The following AKAP19 variants were observed in gnomAD, a reference collection of about 807,000 sequenced individuals.
AKAP19 encodes the protein small A-kinase anchoring protein.
At chr2:190,033,369 A>C in the AKAP19 span, among the ~76,000 whole-genome samples, 1 of 152,208 alleles carries the variant, frequency 6.6e-6, no homozygotes, top group African/African-American at 2.4e-5. Flanking sequence ...GTCTGAAAAA[A>C]ACAAATCTTA....
At chr2:189,920,054 T>A in the AKAP19 span, among the ~76,000 whole-genome samples, 1 of 152,262 alleles carries the variant, frequency 6.6e-6, no homozygotes, top group Admixed American at 6.5e-5. Flanking sequence ...TGCTGTGGCT[T>A]AATCAGGATA....
chr2:190,062,372 A>G, the AKAP19 span: 22 of 1,613,250 alleles, frequency 1.4e-5, 1 homozygote, highest in East Asian at 3.3e-4. Context: ...GTCTTATAAC[A>G]TCTTTGCTGA....
the AKAP19 span, among the ~76,000 whole-genome samples, chr2:190,118,333 T>G: frequency 7.2e-5 from 11 of 152,042 alleles, no homozygotes; most frequent in African/African-American, 1.4e-4. Context: ...TTCCAATCAA[T>G]AGAAAAAGAG....
At chr2:190,019,541 G>A in the AKAP19 span, among the ~76,000 whole-genome samples, 1 of 151,952 alleles carries the variant, frequency 6.6e-6, no homozygotes. Context: ...GCCACTGCTG[G>A]CAGGTACACA....
chr2:190,080,503 G>C, the AKAP19 span, among the ~76,000 whole-genome samples: 1 of 152,200 alleles, frequency 6.6e-6, no homozygotes, highest in African/African-American at 2.4e-5. Flanking sequence ...GCAGGAGTTT[G>C]CCAGGTGAAT....
At chr2:190,114,790 T>C in the AKAP19 span, among the ~76,000 whole-genome samples, 2 of 152,162 alleles carry the variant, frequency 1.3e-5, no homozygotes, top group African/African-American at 4.8e-5. Context: ...TGTATTTTCC[T>C]TCCAAACTTT....
At chr2:189,986,759 A>G in the AKAP19 span, among the ~76,000 whole-genome samples, 2 of 152,086 alleles carry the variant, frequency 1.3e-5, no homozygotes, top group Non-Finnish European at 2.9e-5. Context: ...TATCCTTGTC[A>G]CTTTTAGTAA....
the AKAP19 span, among the ~76,000 whole-genome samples, chr2:190,004,759 C>A: frequency 6.6e-6 from 1 of 152,082 alleles, no homozygotes; most frequent in Non-Finnish European, 1.5e-5. Context: ...GCAGAGCATT[C>A]TAGTGCAATC....
chr2:190,153,164 G>A, the AKAP19 span, among the ~76,000 whole-genome samples: 1 of 151,994 alleles, frequency 6.6e-6, no homozygotes, highest in Non-Finnish European at 1.5e-5. Flanking sequence ...CAAAGTGCTG[G>A]GATTACAGGC....
At chr2:189,937,814 T>G in the AKAP19 span, among the ~76,000 whole-genome samples, 930 of 152,296 alleles carry the variant, frequency 6.1e-3, 2 homozygotes, top group Non-Finnish European at 0.011. Context: ...TTGATGGGAA[T>G]GTAAATTAAT....
At chr2:189,952,698 T>C in the AKAP19 span, among the ~76,000 whole-genome samples, 1 of 152,250 alleles carries the variant, frequency 6.6e-6, no homozygotes, top group Non-Finnish European at 1.5e-5. Flanking sequence ...CTACTGCACT[T>C]ACTGTGTGCA....
chr2:190,006,793 C>T, the AKAP19 span, among the ~76,000 whole-genome samples: 4 of 151,908 alleles, frequency 2.6e-5, no homozygotes, highest in Admixed American at 6.6e-5. Context: ...CCGAGGTAGG[C>T]AGATCACGAG....
chr2:190,141,053 C>G, the AKAP19 span, among the ~76,000 whole-genome samples: 1 of 152,128 alleles, frequency 6.6e-6, no homozygotes, highest in East Asian at 1.9e-4. Context: ...ACTTTTACTC[C>G]AATTCCCAAC....
the AKAP19 span, among the ~76,000 whole-genome samples, chr2:189,985,136 G>T: frequency 2.0e-5 from 3 of 152,188 alleles, no homozygotes; most frequent in East Asian, 1.9e-4. Context: ...TTTCTGTAGG[G>T]CTCCAAGTTC....
chr2:190,145,666 G>A, the AKAP19 span, among the ~76,000 whole-genome samples: 3 of 151,998 alleles, frequency 2.0e-5, 1 homozygote, highest in Admixed American at 2.0e-4. Context: ...GGAGCAATAG[G>A]CTATATCTTA....
At chr2:190,028,570 C>T in the AKAP19 span, among the ~76,000 whole-genome samples, 1 of 151,920 alleles carries the variant, frequency 6.6e-6, no homozygotes, top group Non-Finnish European at 1.5e-5. Context: ...AGGCAGAAAC[C>T]ATACCTGTTT....
chr2:190,197,703 G>C, the AKAP19 span, among the ~76,000 whole-genome samples: 1 of 152,294 alleles, frequency 6.6e-6, no homozygotes, highest in African/African-American at 2.4e-5. This position sits in a 1 kb window ranked among gnomAD's most constrained non-coding sequence, Gnocchi z 4.0. Flanking sequence ...ATCCAGTGTT[G>C]CTTGTTGCTC....
the AKAP19 span, among the ~76,000 whole-genome samples, chr2:190,008,989 A>G: frequency 6.6e-6 from 1 of 152,122 alleles, no homozygotes; most frequent in Non-Finnish European, 1.5e-5. Flanking sequence ...GGGATGTTCC[A>G]TGTGGCTGTC....
the AKAP19 span, among the ~76,000 whole-genome samples, chr2:190,022,037 C>G: frequency 6.6e-6 from 1 of 152,086 alleles, no homozygotes; most frequent in South Asian, 2.1e-4. Context: ...GGTCTCTCTT[C>G]TCCTTCTTAC....
Sources: gnomAD v4.1 joint callset for allele counts (sites outside exome capture counted in the v4.1 genomes callset) on GRCh38, gnomAD v4.1.1 for gene constraint, Gnocchi (gnomAD v3.1) non-coding constraint, MANE v1.5 for transcripts, NCBI Gene and HGNC (gene_info 2026-07-23, HGNC 2026-07-21) for gene names.